The following MMUT variants were observed in gnomAD, a reference collection of about 807,000 sequenced individuals.
The protein encoded by MMUT is methylmalonyl-CoA mutase.
In MMUT, 79 loss-of-function variants were observed where a neutral mutation model predicts 79.9. That is an observed-to-expected ratio of 0.99 (90% CI 0.82 to 1.19). The LOEUF is 1.19. MMUT is among the 50% of genes most tolerant of loss of function. The pLI is 0.00. For synonymous variants in MMUT, 273 were observed against 295.7 expected (o/e 0.92, Z 0.79); for missense variants, 860 against 917.2 (o/e 0.94, Z 0.81).
chr6:49,445,123 T>C (rs1045506004), intron 8 of MMUT, among the ~76,000 whole-genome samples: 7 of 152,050 alleles, frequency 4.6e-5, no homozygotes, highest in African/African-American at 9.7e-5. Flanking sequence ...TAAAGATTAA[T>C]AGTGACAAGA....
Position 49,431,048 on chromosome 6 carries a change from T to C in MMUT, c.*680A>G, listed in dbSNP as rs1419663109. The C allele has an allele frequency of 6.6e-6, 1 of 152,240 alleles. No individual in the cohort carries two copies. The highest frequency in any genetic ancestry group is 1.5e-5 in the Non-Finnish European group (1 of 68,058). The allele number at this position is 152,240 out of a possible 1,614,324, so 9.4% of individuals were successfully genotyped here. ...ACCTAAGCACTTTTATTTAAAGGAA[T>C]GTTCATCAACATCCACTCTCCTTGG... On this transcript the variant is annotated 3_prime_UTR_variant, in exon 13 of 13. Coordinates refer to ENST00000274813, the MANE Select transcript of MMUT (RefSeq NM_000255.4).
intron 8 of MMUT, among the ~76,000 whole-genome samples, chr6:49,445,949 G>A (rs902336995): frequency 2.6e-5 from 4 of 151,858 alleles, no homozygotes; most frequent in Non-Finnish European, 4.4e-5. Flanking sequence ...AGTAAATAAC[G>A]AAGTGATTTG....
chr6:49,433,148 G>A (rs1767031078), intron 12 of MMUT, among the ~76,000 whole-genome samples: 1 of 152,172 alleles, frequency 6.6e-6, no homozygotes. Context: ...CATTGTTCTT[G>A]AGTAGATGAT....
Position 49,459,447 on chromosome 6 carries a change from T to C in MMUT, c.20A>G (p.Gln7Arg), listed in dbSNP as rs776721240. 1.2e-6 allele frequency: 2 copies of C among 1,612,698 alleles called. No homozygotes were observed. The highest frequency in any genetic ancestry group is 2.2e-5 in the South Asian group (2 of 91,042). Reference sequence around the variant, plus strand: ...GTAATGAGGTGAAAGTAAAAAAAGCTGATTCTTAGCTCTTAACATGGTGGA... The same window carrying C: ...GTAATGAGGTGAAAGTAAAAAAAGCCGATTCTTAGCTCTTAACATGGTGGA... MLRAKN[Q>R]LFLLSPHYLR... The change falls in exon 2 of 13, where the codon CAG becomes CGG. Residue 7 changes from glutamine to arginine, a missense_variant. Transcript: ENST00000274813.
Position 49,448,849 on chromosome 6 carries a change from A to G in MMUT, c.1411T>C (p.Cys471Arg). ...EGIPKLRIEE[C>R]AARRQARIDS... ...ATTCTAGCTTGTCTTCGGGCAGCAC[A>G]TTCTTCAATTCGAAGTTTAGGTATT... Residue 471 changes from cysteine (C) to arginine (R), a missense_variant, in exon 7 of 13, where the codon TGT becomes CGT. Transcript: ENST00000274813. 1 of 1,613,596 alleles carries G rather than the reference A, an allele frequency of 6.2e-7. No individual in the cohort carries two copies. Among genetic ancestry groups the G allele is most frequent in the Non-Finnish European group, 8.5e-7 (1 of 1,179,652 alleles).
Position 49,457,710 on chromosome 6 carries a change from A to G in MMUT, c.734T>C (p.Ile245Thr), listed in dbSNP as rs1409924696. The G allele has an allele frequency of 6.2e-7, 1 of 1,611,020 alleles. No individual in the cohort carries two copies. Among genetic ancestry groups the G allele is most frequent in the Admixed American group, 1.7e-5 (1 of 59,840 alleles). ...PEPSMKIIAD[I>T]FEYTAKHMPK... is the part of the protein sequence containing the mutation. ...GTATACCTTTGCTGTATATTCAAAT[A>G]TGTCAGCAATAATTTTCATGGATGG... Residue 245 changes from isoleucine to threonine, a missense_variant, in exon 3 of 13, where the codon ATA (isoleucine) becomes ACA (threonine). Ile to Thr is a moderately conservative substitution (Grantham distance 89, BLOSUM62 -1). Coordinates refer to ENST00000274813, the MANE Select transcript of MMUT (RefSeq NM_000255.4).
rs186205803 is a variant in MMUT at position 49,431,047 on chromosome 6, A to G, written c.*681T>C. 6.6e-6 allele frequency: 1 copy of G among 152,364 alleles called. No homozygotes were observed. The highest frequency in any genetic ancestry group is 1.5e-5 in the Non-Finnish European group (1 of 68,058). 9.4% of individuals were successfully genotyped at this position (152,364 alleles called of 1,614,324 possible). ...AACCTAAGCACTTTTATTTAAAGGAATGTTCATCAACATCCACTCTCCTTG... is the reference window on the plus strand; with the variant it reads ...AACCTAAGCACTTTTATTTAAAGGAGTGTTCATCAACATCCACTCTCCTTG... On this transcript the variant is annotated 3_prime_UTR_variant, in exon 13 of 13. Coordinates refer to ENST00000274813, the MANE Select transcript of MMUT (RefSeq NM_000255.4).
At chr6:49,459,577 A>C in intron 1 of MMUT, 72 bp from the exon 2 acceptor site, 2 of 1,169,904 alleles carry the variant, frequency 1.7e-6, no homozygotes, top group Non-Finnish European at 2.4e-6. Context: ...ATAAGAAAGG[A>C]ACAGAAAAGA....
intron 12 of MMUT, among the ~76,000 whole-genome samples, chr6:49,434,013 A>G (rs920557548): frequency 1.3e-5 from 2 of 152,190 alleles, no homozygotes; most frequent in Non-Finnish European, 2.9e-5. Context: ...TTTGAAATAT[A>G]ATTCTTGAAA....
chr6:49,451,475 A>T lies in MMUT; in HGVS notation c.1323T>A (p.Ala441=). ...MECLTNDVYD[A]ALKLINEIEE... ...AAGTGGAAAAACTTACCTTTAAAGC[A>T]GCATCATAAACATCATTTGTGAGAC... is the stretch of plus-strand genomic sequence containing the variant. Residue 441 remains alanine (A), a synonymous_variant, in exon 6 of 13, where the codon GCT becomes GCA. Transcript: ENST00000274813. The T allele has an allele frequency of 1.2e-6, 2 of 1,614,092 alleles. No homozygotes were observed. The highest frequency in any genetic ancestry group is 1.7e-6 in the Non-Finnish European group (2 of 1,179,990).
rs1280887685 is a variant in MMUT at position 49,457,750 on chromosome 6, T to G, written c.694A>C (p.Ile232Leu). Residue 232 changes from isoleucine to leucine, a missense_variant, in exon 3 of 13, where the codon ATT (isoleucine) becomes CTT (leucine). Coordinates refer to ENST00000274813, the MANE Select transcript of MMUT (RefSeq NM_000255.4). ...LKEFMVRNTY[I>L]FPPEPSMKII... Reference sequence around the variant, plus strand: ...TTCATGGATGGTTCTGGAGGAAAAATGTATGTATTTCGAACCATAAATTCC... The same window carrying G: ...TTCATGGATGGTTCTGGAGGAAAAAGGTATGTATTTCGAACCATAAATTCC... 2.5e-6 allele frequency: 4 copies of G among 1,612,124 alleles called. No homozygotes were observed. Among genetic ancestry groups the G allele is most frequent in the Non-Finnish European group, 3.4e-6 (4 of 1,178,696 alleles).
intron 9 of MMUT, among the ~76,000 whole-genome samples, chr6:49,443,146 T>C (rs1245932753): frequency 6.6e-6 from 1 of 152,190 alleles, no homozygotes; most frequent in Non-Finnish European, 1.5e-5. Context: ...GCACATCCTG[T>C]GGAGCAAAGC....
At position 49,451,726 on chromosome 6, in the gene MMUT, G is replaced by A. The variant is rs373027036; in HGVS notation, c.1084-12C>T. The A allele has an allele frequency of 2.7e-5, 44 of 1,612,622 alleles. No individual in the cohort carries two copies. The African/African-American group carries it at 5.3e-4, about 20-fold the overall frequency. On this transcript the variant is annotated splice_polypyrimidine_tract_variant and intron_variant, in intron 5 of 12. Transcript: ENST00000274813. ...TTATTGTAGGGATCCTAAAATATTT[G>A]ATAAAAAACAAAAACTCAAAGAAAC...
intron 11 of MMUT, among the ~76,000 whole-genome samples, chr6:49,437,549 A>G (rs180952069): frequency 1.6e-4 from 25 of 152,270 alleles, no homozygotes; most frequent in Admixed American, 6.5e-4. Flanking sequence ...ACTTAAACAA[A>G]TGAGACACCA....
Position 49,458,832 on chromosome 6 carries a change from A to G in MMUT, c.385+250T>C, listed in dbSNP as rs544376122. Among the ~76,000 whole-genome samples, 17 of 152,322 alleles carry G rather than the reference A, an allele frequency of 1.1e-4. No homozygotes were observed. The South Asian group carries it at 1.7e-3, about 15-fold the overall frequency. On this transcript the variant is annotated intron_variant, in intron 2 of 12. Coordinates refer to ENST00000274813, the MANE Select transcript of MMUT (RefSeq NM_000255.4). ...AGCTAATGTCTTCTTTTCTTCATGCAACTTTACCTCACCTAATTCCTTTTA... is the reference window on the plus strand; with the variant it reads ...AGCTAATGTCTTCTTTTCTTCATGCGACTTTACCTCACCTAATTCCTTTTA...
In MMUT at chr6:49,448,823, T is replaced by C. The variant is rs1359801676; in HGVS notation, c.1437A>G (p.Ile479Met). 6 of 1,610,614 alleles carry C rather than the reference T, an allele frequency of 3.7e-6. No homozygotes were observed. The highest frequency in any genetic ancestry group is 5.1e-6 in the Non-Finnish European group (6 of 1,177,042). ...EECAARRQAR[I>M]DSGSEVIVGV... The stretch of plus-strand genomic sequence containing the variant: ...ACTTTCTCACTATCTTACCAGAATC[T>C]ATTCTAGCTTGTCTTCGGGCAGCAC... Residue 479 changes from isoleucine (I) to methionine (M), a missense_variant, in exon 7 of 13, where the codon ATA (isoleucine) becomes ATG (methionine). Coordinates refer to ENST00000274813, the MANE Select transcript of MMUT (RefSeq NM_000255.4).
intron 5 of MMUT, 69 bp downstream of exon 5, chr6:49,453,516 C>A (rs977856538): frequency 5.2e-6 from 4 of 768,014 alleles, no homozygotes; most frequent in Non-Finnish European, 7.6e-6. Flanking sequence ...CCTGCTTGTG[C>A]CACATTGCTC....
intron 11 of MMUT, among the ~76,000 whole-genome samples, chr6:49,435,917 TA>T (rs1665234499): frequency 6.6e-6 from 1 of 152,106 alleles, no homozygotes; most frequent in Non-Finnish European, 1.5e-5. Flanking sequence ...CCTGCATCTA[TA>T]AAAAACTTAA....
chr6:49,443,891 C>A, intron 9 of MMUT: 1 of 379,712 alleles, frequency 2.6e-6, no homozygotes, highest in Non-Finnish European at 5.3e-6. Flanking sequence ...AGTTAGGAGA[C>A]AAAGGAGCAT....
Sources: gnomAD v4.1 joint callset for allele counts (sites outside exome capture counted in the v4.1 genomes callset) on GRCh38, gnomAD v4.1.1 for gene constraint, MANE v1.5 for transcripts, NCBI Gene and HGNC (gene_info 2026-07-23, HGNC 2026-07-21) for gene names.